ELAVL2: variants seen among roughly 807,000 people sequenced by gnomAD.
ELAVL2 encodes ELAV-like protein 2.
ELAVL2 carries 4 observed loss-of-function variants against 34.6 expected under a neutral mutation model. The observed-to-expected ratio is 0.12, with a 90% CI of 0.06 to 0.26. The LOEUF (loss-of-function observed/expected upper bound fraction) is 0.26, where lower values mean the gene tolerates loss of function less well. Ranked by LOEUF, ELAVL2 falls within the 10% of genes least tolerant of loss-of-function variation. The pLI, the probability that ELAVL2 is intolerant of heterozygous loss-of-function variation, is 1.00. For missense variants in ELAVL2, 432 were observed against 442.8 expected, an observed-to-expected ratio of 0.98 and a Z score of 0.22; for synonymous variants, 193 against 154.8, an observed-to-expected ratio of 1.25 and a Z score of -1.83.
chr9:23,719,371 C>T (rs948139035), intron 3 of ELAVL2, among the ~76,000 whole-genome samples: 6 of 152,256 alleles, frequency 3.9e-5, no homozygotes, highest in East Asian at 3.9e-4. Flanking sequence ...GGTGTTTTTA[C>T]CCCTCACCTT....
chr9:23,774,732 A>T lies in ELAVL2; in HGVS notation c.-15-12483T>A, dbSNP rs142043594. Among the ~76,000 whole-genome samples the T allele has an allele frequency of 4.7e-4, 70 of 147,696 alleles. No homozygotes were observed. The Middle Eastern group carries it at 0.014, about 30-fold the overall frequency. Reference sequence around the variant, plus strand: ...TTATGCTCAGGCTCTTGGAATTTTAATAAGATTAGAAATTGCTACCTCCTT... The same window carrying T: ...TTATGCTCAGGCTCTTGGAATTTTATTAAGATTAGAAATTGCTACCTCCTT... On this transcript the variant is annotated intron_variant, in intron 1 of 6. Transcript: ENST00000397312.
chr9:23,702,951 C>CAAAAGAAAAA (rs2037829357), intron 4 of ELAVL2, among the ~76,000 whole-genome samples: 2 of 47,626 alleles, frequency 4.2e-5, no homozygotes, highest in Non-Finnish European at 8.0e-5. Context: ...ATCAGATTAG[C>CAAAAGAAAAA]AAAAAAAAAA....
the ELAVL2 span, among the ~76,000 whole-genome samples, chr9:23,839,066 C>T: frequency 6.6e-6 from 1 of 152,036 alleles, no homozygotes; most frequent in Non-Finnish European, 1.5e-5. Flanking sequence ...TAGTCTAATA[C>T]CATGACCAAG....
intron 1 of ELAVL2, among the ~76,000 whole-genome samples, chr9:23,823,898 G>C (rs1249699612): frequency 6.6e-6 from 1 of 152,136 alleles, no homozygotes; most frequent in African/African-American, 2.4e-5. Context: ...TGTAGGCCTG[G>C]GAAATAAAAC....
chr9:23,795,817 T>C (rs868249809), intron 1 of ELAVL2, among the ~76,000 whole-genome samples: 8 of 152,214 alleles, frequency 5.3e-5, no homozygotes, highest in African/African-American at 9.6e-5. Context: ...TCCCTGAAAG[T>C]TGATTTTATT....
At chr9:23,750,963 T>C (rs2051823450) in intron 2 of ELAVL2, among the ~76,000 whole-genome samples, 1 of 152,164 alleles carries the variant, frequency 6.6e-6, no homozygotes, top group Admixed American at 6.5e-5. Context: ...CACACAGCTA[T>C]GCCTCCCTTA....
the ELAVL2 span, among the ~76,000 whole-genome samples, chr9:23,839,158 G>GA: frequency 5.3e-5 from 8 of 151,632 alleles, no homozygotes; most frequent in African/African-American, 1.9e-4. Flanking sequence ...AAGGTACTAA[G>GA]AAAAAATACC....
chr9:23,733,830 C>T (rs2047186809), intron 2 of ELAVL2, among the ~76,000 whole-genome samples: 1 of 152,142 alleles, frequency 6.6e-6, no homozygotes, highest in Non-Finnish European at 1.5e-5. Flanking sequence ...GTATTATCAT[C>T]ATCACCACCA....
Position 23,764,907 on chromosome 9 carries a change from T to C in ELAVL2, c.-15-2658A>G, listed in dbSNP as rs537382140. The C allele has an allele frequency of 1.5e-4, 172 of 1,159,638 alleles. 1 individual carries two copies. In the South Asian group the frequency reaches 2.0e-3, roughly 14 times the overall value. The allele number at this position is 1,159,638 out of a possible 1,614,324, so 71.8% of individuals were successfully genotyped here. A position where few individuals can be genotyped will look rare whatever the true frequency, so the allele number is the denominator to read the frequency against. On this transcript the variant is annotated intron_variant, in intron 1 of 6. Transcript: ENST00000397312. ...ACAATAGGTTAAATGTAAGAATAAT[T>C]AGTATGCCAAATGAAAGATTCAAGT...
At chr9:23,778,601 A>G (rs2058593941) in intron 1 of ELAVL2, among the ~76,000 whole-genome samples, 1 of 152,164 alleles carries the variant, frequency 6.6e-6, no homozygotes, top group East Asian at 1.9e-4. Flanking sequence ...GATTTTAAGT[A>G]AAAGAGTATC....
chr9:23,730,588 C>G (rs2046288060), intron 3 of ELAVL2, among the ~76,000 whole-genome samples: 1 of 152,140 alleles, frequency 6.6e-6, no homozygotes, highest in Non-Finnish European at 1.5e-5. Context: ...CGGCTGCATC[C>G]ATTTGTTTAT....
rs897430789 is a variant in ELAVL2, at chr9:23,693,327, G to C, written c.752+121C>G. 19 of 1,233,002 alleles carry C rather than the reference G, an allele frequency of 1.5e-5. No individual in the cohort carries two copies. In the East Asian group the frequency reaches 1.9e-4, roughly 12 times the overall value. 76.4% of individuals were successfully genotyped at this position (1,233,002 alleles called of 1,614,324 possible). On this transcript the variant is annotated intron_variant, in intron 6 of 6. Coordinates refer to ENST00000397312, the MANE Select transcript of ELAVL2 (RefSeq NM_004432.5). ...GCTTCAAAGAGCAGCTTTTCATTAG[G>C]TTGCACATGCAAAATAAAACCCAAC...
the ELAVL2 span, among the ~76,000 whole-genome samples, chr9:23,844,070 T>C: frequency 5.9e-5 from 9 of 152,016 alleles, no homozygotes; most frequent in East Asian, 1.9e-4. Context: ...TTCTTTAAAA[T>C]GGAAAAAAAG....
rs532820275 is a variant in ELAVL2, at chr9:23,716,074, T to C, written c.334-11003A>G. On this transcript the variant is annotated intron_variant, in intron 3 of 6. Transcript: ENST00000397312. Reference sequence around the variant, plus strand: ...GGGATACCTTTACTTAAATCTTTGTTTTTCACCACATGTTCTCACTCATAG... The same window carrying C: ...GGGATACCTTTACTTAAATCTTTGTCTTTCACCACATGTTCTCACTCATAG... Among the ~76,000 whole-genome samples the C allele has an allele frequency of 9.0e-4, 136 of 151,646 alleles. 2 individuals are homozygous for C. The highest frequency in any genetic ancestry group is 6.3e-3 in the South Asian group (30 of 4,786).
chr9:23,754,455 T>A lies in ELAVL2; in HGVS notation c.229+7551A>T, dbSNP rs147746534. On this transcript the variant is annotated intron_variant, in intron 2 of 6. Coordinates refer to ENST00000397312, the MANE Select transcript of ELAVL2 (RefSeq NM_004432.5). ...CCACTTTGGCATTAAGTTTTTTTTT[T>A]TTATTATTTTTTTGTGAAATGGAGT... Among the ~76,000 whole-genome samples, 636 of 152,170 alleles carry A rather than the reference T, an allele frequency of 4.2e-3. 2 individuals carry two copies. The highest frequency in any genetic ancestry group is 0.01 in the Middle Eastern group (3 of 294).
chr9:23,839,273 C>T, the ELAVL2 span, among the ~76,000 whole-genome samples: 870 of 151,266 alleles, frequency 5.8e-3, 12 homozygotes, highest in African/African-American at 0.02. Context: ...ATATGAATGA[C>T]GACTGTTTTG....
At chr9:23,722,052 A>G (rs565222337) in intron 3 of ELAVL2, among the ~76,000 whole-genome samples, 27 of 152,316 alleles carry the variant, frequency 1.8e-4, no homozygotes, top group African/African-American at 6.5e-4. Context: ...GCAGCATGTC[A>G]AGACACTTCT....
In ELAVL2 at chr9:23,693,367, G is replaced by T; in HGVS notation, c.752+81C>A. 3.3e-6 allele frequency: 5 copies of T among 1,530,606 alleles called. No individual in the cohort carries two copies. In the Admixed American group the frequency reaches 8.6e-5, roughly 26 times the overall value. 94.8% of individuals were successfully genotyped at this position (1,530,606 alleles called of 1,614,324 possible). ...TAAAACCCAACAAAAACTTATGAGGGGTGTGAATAGCACTCCCAAAATCAA... is the reference window on the plus strand; with the variant it reads ...TAAAACCCAACAAAAACTTATGAGGTGTGTGAATAGCACTCCCAAAATCAA... On this transcript the variant is annotated intron_variant, in intron 6 of 6. Coordinates refer to ENST00000397312, the MANE Select transcript of ELAVL2 (RefSeq NM_004432.5).
At chr9:23,696,024 T>C (rs2035064518) in intron 5 of ELAVL2, among the ~76,000 whole-genome samples, 1 of 152,180 alleles carries the variant, frequency 6.6e-6, no homozygotes, top group Non-Finnish European at 1.5e-5. Context: ...TTTTACCCTA[T>C]CTGTGAAGTT....
Sources: allele counts gnomAD v4.1 joint callset (sites outside exome capture counted in the v4.1 genomes callset), GRCh38; gene constraint gnomAD v4.1.1; transcripts MANE v1.5; gene names NCBI Gene and HGNC (gene_info 2026-07-23, HGNC 2026-07-21).